LCT: variants seen among roughly 807,000 people sequenced by gnomAD.
LCT encodes lactase, also known as lactase/phlorizin hydrolase.
A neutral mutation model predicts 173.0 loss-of-function variants in LCT; 90 were observed. The ratio of observed to expected loss-of-function variants is 0.52; its 90% CI spans 0.44 to 0.62. The LOEUF (loss-of-function observed/expected upper bound fraction) is 0.62. Ranked by LOEUF, LCT falls within the 20% of genes least tolerant of loss-of-function variation. The pLI, the probability that LCT is intolerant of heterozygous loss-of-function variation, is 0.00. For synonymous variants in LCT, 853 were observed against 957.6 expected, an observed-to-expected ratio of 0.89 and a Z score of 2.02; for missense variants, 1,864 against 2,431.4, an observed-to-expected ratio of 0.77 and a Z score of 4.91.
Position 135,809,357 on chromosome 2 carries a change from A to T in LCT, c.2990T>A (p.Val997Asp). 6.2e-7 allele frequency: 1 copy of T among 1,614,176 alleles called. No individual in the cohort carries two copies. Among genetic ancestry groups the T allele is most frequent in the Non-Finnish European group, 8.5e-7 (1 of 1,180,032 alleles). ...ATTGATCAGCCTGTTGTAATAATCA[A>T]CCCCATGACTGTTGATAGAGCTGTT... ...GRNSSINSHG[V>D]DYYNRLINGL... The change falls in exon 8 of 17, where the codon GTT becomes GAT. Residue 997 changes from valine (V) to aspartate (D), a missense_variant. This residue lies in a region of LCT where 755 missense variants were observed against 926.3 expected (regional missense o/e 0.82). Coordinates refer to ENST00000264162, the MANE Select transcript of LCT (RefSeq NM_002299.4). The surrounding 1 kb of genome is among the most constrained non-coding windows in gnomAD (Gnocchi z 5.5).
intron 2 of LCT, among the ~76,000 whole-genome samples, chr2:135,831,169 G>A (rs1029901902): frequency 6.6e-6 from 1 of 152,236 alleles, no homozygotes; most frequent in Non-Finnish European, 1.5e-5. Flanking sequence ...AAGGGTCCGG[G>A]TGGGGACAGA....
chr2:135,824,425 C>T (rs967577711), intron 3 of LCT, among the ~76,000 whole-genome samples: 1 of 152,138 alleles, frequency 6.6e-6, no homozygotes, highest in Non-Finnish European at 1.5e-5. Flanking sequence ...CCTGTAGTTC[C>T]AGCTACTTGG....
rs147029208 is a variant in LCT at position 135,817,373 on chromosome 2, C to T, written c.1675G>A (p.Gly559Ser). Residue 559 changes from glycine (G) to serine (S), a missense_variant, in exon 6 of 17, where the codon GGC becomes AGC. Physicochemically the swap from Gly to Ser is moderately conservative, Grantham distance 56. This residue lies in a region of LCT where 183 missense variants were observed against 293.1 expected (regional missense o/e 0.62). Coordinates refer to ENST00000264162, the MANE Select transcript of LCT (RefSeq NM_002299.4). ...GAGGCCACTCCTGGGTCAGAGATGCCGGGAGGGTGCTGGCCGGTGCCATAG... is the reference window on the plus strand; with the variant it reads ...GAGGCCACTCCTGGGTCAGAGATGCTGGGAGGGTGCTGGCCGGTGCCATAG... ...AGYGTGQHPP[G>S]ISDPGVASFK... is the part of the protein sequence containing the mutation. 1.5e-5 allele frequency: 25 copies of T among 1,613,864 alleles called. No homozygotes were observed. The highest frequency in any genetic ancestry group is 3.3e-4 in the Middle Eastern group (2 of 6,084).
chr2:135,813,929 T>A (rs2077756709), intron 6 of LCT, among the ~76,000 whole-genome samples: 1 of 152,100 alleles, frequency 6.6e-6, no homozygotes, highest in Admixed American at 6.6e-5. Context: ...AAAAGGAGGG[T>A]GTCTGAAATA....
rs754212006 is a variant in LCT at position 135,790,638 on chromosome 2, G to A, written c.5335+20C>T. On this transcript the variant is annotated intron_variant, in intron 15 of 16. Coordinates refer to ENST00000264162, the MANE Select transcript of LCT (RefSeq NM_002299.4). This position sits in a 1 kb window ranked among gnomAD's most constrained non-coding sequence, Gnocchi z 4.1. ...CCAACAGGGGAAGGTGCACGCTGGG[G>A]AAGGGCGGGCCCGTCGTACCTTTGA... is the stretch of plus-strand genomic sequence containing the variant. 6.6e-7 allele frequency: 1 copy of A among 1,506,886 alleles called. No homozygotes were observed. The highest frequency in any genetic ancestry group is 9.2e-7 in the Non-Finnish European group (1 of 1,083,958). The allele number at this position is 1,506,886 out of a possible 1,614,324, so 93.3% of individuals were successfully genotyped here.
chr2:135,804,247 G>T lies in LCT; in HGVS notation c.4465-119C>A, dbSNP rs980103765. On this transcript the variant is annotated intron_variant, in intron 10 of 16. Coordinates refer to ENST00000264162, the MANE Select transcript of LCT (RefSeq NM_002299.4). ...TGAGAGTGACTTATGAGACAAAAAGGCTCAAAGATTTTTTTCTTTTTCTTT... is the reference window on the plus strand; with the variant it reads ...TGAGAGTGACTTATGAGACAAAAAGTCTCAAAGATTTTTTTCTTTTTCTTT... 62 of 824,516 alleles carry T rather than the reference G, an allele frequency of 7.5e-5. 1 individual carries two copies. Among genetic ancestry groups the T allele is most frequent in the South Asian group, 4.4e-4 (31 of 69,800 alleles). The allele number at this position is 824,516 out of a possible 1,614,324, so 51.1% of individuals were successfully genotyped here.
In LCT at chr2:135,823,909, A is replaced by G. The variant is rs2077860113; in HGVS notation, c.899T>C (p.Leu300Pro). ...MKNPASLLFSLFEAINKDQVL... is the reference protein window; with the variant it reads ...MKNPASLLFSPFEAINKDQVL... Reference sequence around the variant, plus strand: ...AGCAATGGCCCACTCACCTTCAAAAAGGCTGAAGAGCAGACTGGCTGGGTT... The same window carrying G: ...AGCAATGGCCCACTCACCTTCAAAAGGGCTGAAGAGCAGACTGGCTGGGTT... The change falls in exon 4 of 17, where the codon CTT (leucine) becomes CCT (proline). Residue 300 changes from leucine to proline, a missense_variant. This residue lies in a region of LCT where 412 missense variants were observed against 462.0 expected (regional missense o/e 0.89). Transcript: ENST00000264162. The G allele has an allele frequency of 6.2e-7, 1 of 1,608,820 alleles. No individual in the cohort carries two copies. Among genetic ancestry groups the G allele is most frequent in the African/African-American group, 1.3e-5 (1 of 74,798 alleles).
intron 5 of LCT, among the ~76,000 whole-genome samples, chr2:135,821,286 G>A (rs1030612002): frequency 6.6e-6 from 1 of 152,144 alleles, no homozygotes; most frequent in Admixed American, 6.5e-5. Context: ...TCTGTCCCTA[G>A]AATGTTGTCA....
At chr2:135,829,830 A>AGTGTGTGT (rs60681905) in intron 2 of LCT, among the ~76,000 whole-genome samples, 154 bp from the exon 3 acceptor site, 23,681 of 146,444 alleles carry the variant, frequency 0.16, 2,387 homozygotes, top group South Asian at 0.29. Context: ...GGAATGAGAA[A>AGTGTGTGT]GTGTGTGTGT....
chr2:135,798,851 C>T (rs1415055229), intron 12 of LCT, among the ~76,000 whole-genome samples: 1 of 152,182 alleles, frequency 6.6e-6, no homozygotes, highest in African/African-American at 2.4e-5. Flanking sequence ...ATGGAACACA[C>T]ATGCCCTGGT....
rs1679416211 is a variant in LCT, at chr2:135,836,931, T to C, written c.239A>G (p.His80Arg). ...CTTATAATGGGTGATCTGACTGGCA[T>C]GGAGACTGCTGAAGTATTCTGGCAG... The part of the protein sequence containing the change: ...TFLPEYFSSL[H>R]ASQITHYKVF... The change falls in exon 1 of 17, where the codon CAT becomes CGT. Residue 80 changes from histidine (H) to arginine (R), a missense_variant. Coordinates refer to ENST00000264162, the MANE Select transcript of LCT (RefSeq NM_002299.4). The C allele has an allele frequency of 1.2e-6, 2 of 1,614,094 alleles. No individual in the cohort carries two copies. Among genetic ancestry groups the C allele is most frequent in the Non-Finnish European group, 8.5e-7 (1 of 1,180,004 alleles).
intron 1 of LCT, 23 bp downstream of exon 1, chr2:135,836,507 C>T: frequency 6.2e-7 from 1 of 1,611,650 alleles, no homozygotes; most frequent in East Asian, 2.2e-5. Flanking sequence ...CGAGGGGTCA[C>T]CATCAGGTCA....
chr2:135,797,542 G>A (rs764935443), intron 13 of LCT, among the ~76,000 whole-genome samples: 6 of 152,128 alleles, frequency 3.9e-5, no homozygotes, highest in Non-Finnish European at 5.9e-5. Context: ...CACTTTACTC[G>A]TATTTAAATA....
intron 11 of LCT, 96 bp from the exon 12 acceptor site, chr2:135,800,905 G>A: frequency 1.1e-6 from 1 of 943,568 alleles, no homozygotes; most frequent in Non-Finnish European, 1.7e-6. Context: ...CTGTGTTTGG[G>A]AGAAGGGGTG....
rs1258246551 is a variant in LCT at position 135,837,127 on chromosome 2, A to C, written c.43T>G (p.Phe15Val). The C allele has an allele frequency of 1.7e-5, 27 of 1,613,868 alleles. No homozygotes were observed. Among genetic ancestry groups the C allele is most frequent in the Non-Finnish European group, 2.3e-5 (27 of 1,180,008 alleles). ...TCCCAGTCTGACCCCCAGCATGAAA[A>C]ACTTAGCAGGGCAATAAAGACTACA... Reference protein sequence around the residue: ...WHVVFIALLSFSCWGSDWESD... With the variant: ...WHVVFIALLSVSCWGSDWESD... Residue 15 changes from phenylalanine (F) to valine (V), a missense_variant, in exon 1 of 17, where the codon TTT becomes GTT. Physicochemically the swap from Phe to Val is conservative, Grantham distance 50. This residue lies in a region of LCT where 412 missense variants were observed against 462.0 expected (regional missense o/e 0.89). Transcript: ENST00000264162.
At chr2:135,816,126 G>A (rs995694105) in intron 6 of LCT, among the ~76,000 whole-genome samples, 4 of 152,206 alleles carry the variant, frequency 2.6e-5, no homozygotes, top group Non-Finnish European at 4.4e-5. Context: ...AAGAAAAAGG[G>A]AAATAATGGA....
intron 7 of LCT, among the ~76,000 whole-genome samples, chr2:135,811,545 A>G (rs2077734403): frequency 6.6e-6 from 1 of 152,196 alleles, no homozygotes; most frequent in African/African-American, 2.4e-5. Flanking sequence ...TTTATAGCCA[A>G]TTAAAGGAAA....
At chr2:135,826,018 G>A (rs1371982443) in intron 3 of LCT, among the ~76,000 whole-genome samples, 1 of 152,220 alleles carries the variant, frequency 6.6e-6, no homozygotes, top group East Asian at 1.9e-4. Context: ...TACCAGGCAT[G>A]AGACCACAAT....
In LCT at chr2:135,794,772, C is replaced by T; in HGVS notation, c.4980G>A (p.Leu1660=). 1 of 1,614,154 alleles carries T rather than the reference C, an allele frequency of 6.2e-7. No individual in the cohort carries two copies. Among genetic ancestry groups the T allele is most frequent in the Non-Finnish European group, 8.5e-7 (1 of 1,180,022 alleles). ...SLAAGLNKSR[L]PEFTESEKRR... ...TCTTCTCACTCTCTGTAAATTCTGG[C>T]AGCCTGGGTGGAAGAAGCCATTGAG... is the stretch of plus-strand genomic sequence containing the variant. Residue 1660 remains leucine (L), a synonymous_variant, in exon 14 of 17, where the codon CTG becomes CTA. Coordinates refer to ENST00000264162, the MANE Select transcript of LCT (RefSeq NM_002299.4).
Sources: gnomAD v4.1 joint callset for allele counts (sites outside exome capture counted in the v4.1 genomes callset) on GRCh38, gnomAD v4.1.1 for gene constraint, gnomAD v4.1.1 regional missense constraint, Gnocchi (gnomAD v3.1) non-coding constraint, MANE v1.5 for transcripts, NCBI Gene and HGNC (gene_info 2026-07-23, HGNC 2026-07-21) for gene names.